DDAH1: variants seen among roughly 807,000 people sequenced by gnomAD.
DDAH1 encodes the protein dimethylarginine dimethylaminohydrolase 1.
DDAH1 carries 19 observed loss-of-function variants against 28.8 expected under a neutral mutation model. The ratio of observed to expected loss-of-function variants is 0.66; its 90% CI spans 0.46 to 0.97. DDAH1 has a LOEUF of 0.97. Ranked by LOEUF, DDAH1 falls within the 50% of genes least tolerant of loss-of-function variation. The pLI, the probability that DDAH1 is intolerant of heterozygous loss-of-function variation, is 0.00. For synonymous variants in DDAH1, 153 were observed against 154.4 expected, an observed-to-expected ratio of 0.99 and a Z score of 0.07; for missense variants, 326 against 375.9, an observed-to-expected ratio of 0.87 and a Z score of 1.10.
rs547895566 is a variant in DDAH1, at chr1:85,515,764, T to A, written c.-122-19483A>T. On this transcript the variant is annotated intron_variant, in intron 1 of 6. Transcript: ENST00000426972. ...AAGAAAAACAAATTTAAAATTAAGG[T>A]TAGAAACTTCTGAAAAAAAAAGAGA... 4.6e-5 allele frequency among the ~76,000 whole-genome samples: 7 copies of A among 152,040 alleles called. No individual in the cohort carries two copies. The South Asian group carries it at 1.5e-3, about 32-fold the overall frequency.
At chr1:85,525,567 T>TCACACACACACACACACACACACA (rs3058870) in intron 1 of DDAH1, among the ~76,000 whole-genome samples, 1,500 of 149,024 alleles carry the variant, frequency 0.01, 11 homozygotes, top group African/African-American at 0.017. Flanking sequence ...AGAATGATAT[T>TCACACACACACACACACACACACA]CACACACACA....
intron 1 of DDAH1, among the ~76,000 whole-genome samples, chr1:85,400,177 CTTTTTTTTT>C (rs61677601): frequency 1.8e-4 from 10 of 54,958 alleles, no homozygotes; most frequent in African/African-American, 2.1e-4. Context: ...CTTTTCTTTT[CTTTTTTTTT>C]TTTTTTTTTT....
intron 1 of DDAH1, among the ~76,000 whole-genome samples, chr1:85,403,629 A>C (rs1015986749): frequency 6.6e-6 from 1 of 152,226 alleles, no homozygotes; most frequent in African/African-American, 2.4e-5. Flanking sequence ...AGGATTCTTA[A>C]GGCTGGCTGT....
upstream of DDAH1, chr1:85,465,274 C>A: frequency 9.8e-7 from 1 of 1,024,864 alleles, no homozygotes; most frequent in Non-Finnish European, 1.2e-6. Flanking sequence ...GCTCGCGGGT[C>A]TCGCGCCAGC....
intron 1 of DDAH1, among the ~76,000 whole-genome samples, chr1:85,549,707 G>C (rs2100793422): frequency 6.6e-6 from 1 of 152,212 alleles, no homozygotes; most frequent in East Asian, 1.9e-4. Flanking sequence ...AGAGAAATAA[G>C]AGTGTCTTTG....
intron 2 of DDAH1, among the ~76,000 whole-genome samples, chr1:85,479,404 A>G (rs1028501480): frequency 6.6e-6 from 1 of 150,546 alleles, no homozygotes; most frequent in African/African-American, 2.5e-5. Flanking sequence ...CGATCTCCTG[A>G]CCTCATGATC....
intron 4 of DDAH1, among the ~76,000 whole-genome samples, chr1:85,343,725 G>GTTTT (rs1648657851): frequency 2.0e-5 from 3 of 152,232 alleles, no homozygotes; most frequent in African/African-American, 7.2e-5. Flanking sequence ...TGTCTTTTGG[G>GTTTT]TTTTGCTAGT....
At chr1:85,347,502 A>C (rs1010289925) in intron 4 of DDAH1, among the ~76,000 whole-genome samples, 1 of 152,180 alleles carries the variant, frequency 6.6e-6, no homozygotes, top group African/African-American at 2.4e-5. Context: ...CATTCTCAAC[A>C]AACTATCACA....
chr1:85,369,075 T>A (rs1650233801), intron 1 of DDAH1, among the ~76,000 whole-genome samples: 1 of 148,656 alleles, frequency 6.7e-6, no homozygotes, highest in African/African-American at 2.5e-5. Flanking sequence ...TTTTTTTTTT[T>A]TTTGAGACAG....
At chr1:85,487,778 A>G (rs1656254578) in intron 2 of DDAH1, among the ~76,000 whole-genome samples, 2 of 152,152 alleles carry the variant, frequency 1.3e-5, no homozygotes, top group Non-Finnish European at 2.9e-5. Context: ...GATTTAAAAA[A>G]CATATATGCA....
chr1:85,434,277 G>C (rs2100641111), intron 1 of DDAH1, among the ~76,000 whole-genome samples: 1 of 152,166 alleles, frequency 6.6e-6, no homozygotes, highest in South Asian at 2.1e-4. Flanking sequence ...CAGTTGCCTA[G>C]CCCCATTGAC....
chr1:85,544,151 A>G (rs1658550288), intron 1 of DDAH1, among the ~76,000 whole-genome samples: 1 of 152,172 alleles, frequency 6.6e-6, no homozygotes, highest in Non-Finnish European at 1.5e-5. Context: ...ATTTAAGCTA[A>G]ACAAACAAAT....
At chr1:85,466,083 A>G (rs557995779), upstream of DDAH1, among the ~76,000 whole-genome samples, 1 of 152,298 alleles carries the variant, frequency 6.6e-6, no homozygotes, top group South Asian at 2.1e-4. Flanking sequence ...CCCAGCTTTT[A>G]GGAAACTCTG....
chr1:85,490,091 T>C (rs1029194573), intron 2 of DDAH1, among the ~76,000 whole-genome samples: 4 of 151,860 alleles, frequency 2.6e-5, no homozygotes, highest in African/African-American at 2.4e-5. Context: ...AAATAGAAGA[T>C]GAAGGAATGA....
chr1:85,571,619 C>G (rs1325290716), intron 1 of DDAH1, among the ~76,000 whole-genome samples: 1 of 152,184 alleles, frequency 6.6e-6, no homozygotes, highest in Non-Finnish European at 1.5e-5. Flanking sequence ...GCATGCCATA[C>G]ATGTTATGTT....
chr1:85,330,353 A>T (rs1647685459), intron 4 of DDAH1, among the ~76,000 whole-genome samples: 1 of 152,166 alleles, frequency 6.6e-6, no homozygotes, highest in African/African-American at 2.4e-5. Flanking sequence ...TTAAAAGATG[A>T]GCACCATTTC....
intron 1 of DDAH1, among the ~76,000 whole-genome samples, chr1:85,500,199 CCTTT>C (rs1656771702): frequency 2.1e-5 from 3 of 144,954 alleles, no homozygotes; most frequent in South Asian, 2.2e-4. Flanking sequence ...TTTCTTCCTT[CCTTT>C]CTTCCTTCCT....
At chr1:85,550,446 G>T (rs1029304613) in intron 1 of DDAH1, among the ~76,000 whole-genome samples, 40 of 152,292 alleles carry the variant, frequency 2.6e-4, no homozygotes, top group African/African-American at 8.2e-4. Flanking sequence ...CAAGTTCTTG[G>T]TGATTCTTAA....
upstream of DDAH1, among the ~76,000 whole-genome samples, chr1:85,465,914 A>G (rs549913507): frequency 6.6e-6 from 1 of 152,306 alleles, no homozygotes; most frequent in East Asian, 1.9e-4. Context: ...AGTATCCGGA[A>G]AATAAACAAT....
Sources: allele counts gnomAD v4.1 joint callset (sites outside exome capture counted in the v4.1 genomes callset), GRCh38; gene constraint gnomAD v4.1.1; transcripts MANE v1.5; gene names NCBI Gene and HGNC (gene_info 2026-07-23, HGNC 2026-07-21).